Variants in AKIRIN2 observed in about 807,000 individuals in gnomAD.
AKIRIN2 encodes the protein akirin 2.
Under a neutral mutation model 29.3 loss-of-function variants are expected in AKIRIN2, and 6 were observed. The ratio of observed to expected loss-of-function variants is 0.20; its 90% confidence interval spans 0.11 to 0.40. The LOEUF (loss-of-function observed/expected upper bound fraction) is 0.40. Ranked by LOEUF, AKIRIN2 falls within the 10% of genes least tolerant of loss-of-function variation. The pLI is 1.00. For missense variants in AKIRIN2, 210 were observed against 276.1 expected, an observed-to-expected ratio of 0.76 and a Z score of 1.70; for synonymous variants, 128 against 117.5, an observed-to-expected ratio of 1.09 and a Z score of -0.58.
chr6:87,675,542 C>T lies in AKIRIN2; in HGVS notation c.*55G>A. On this transcript the variant is annotated 3_prime_UTR_variant, in exon 5 of 5. Transcript: ENST00000257787. The stretch of plus-strand genomic sequence containing the variant: ...CATTGCTGCATGTCATAATTGGGAC[C>T]TCTTGCAACAACTCAACAAGGAACA... The T allele has an allele frequency of 1.2e-6, 2 of 1,605,808 alleles. No individual in the cohort carries two copies. Among genetic ancestry groups the T allele is most frequent in the Admixed American group, 1.7e-5 (1 of 59,984 alleles).
intron 1 of AKIRIN2, among the ~76,000 whole-genome samples, chr6:87,698,730 C>A (rs1771410432): frequency 6.6e-6 from 1 of 152,192 alleles, no homozygotes; most frequent in Non-Finnish European, 1.5e-5. Context: ...TAACTTCCGT[C>A]AGCTCAGCTA....
chr6:87,701,067 T>G (rs922413459), intron 1 of AKIRIN2, among the ~76,000 whole-genome samples: 1 of 151,672 alleles, frequency 6.6e-6, no homozygotes, highest in Non-Finnish European at 1.5e-5. Flanking sequence ...CACATCCAGA[T>G]TGGGGTGAAA....
rs776169561 is a variant in AKIRIN2 at position 87,701,620 on chromosome 6, G to A, written c.65C>T (p.Pro22Leu). ...CAATGGCGCACATCGCCTGCGCTTC[G>A]GGGACGCCGGGCTCAACAGCGGGTC... ...DFDPLLSPAS[P>L]KRRRCAPLSA... Residue 22 changes from proline to leucine, a missense_variant, in exon 1 of 5, where the codon CCG becomes CTG. This residue lies in a region of AKIRIN2 where 199 missense variants were observed against 236.5 expected (regional missense o/e 0.84). Coordinates refer to ENST00000257787, the MANE Select transcript of AKIRIN2 (RefSeq NM_018064.4). 4.8e-6 allele frequency: 7 copies of A among 1,457,486 alleles called. No homozygotes were observed. Among genetic ancestry groups the A allele is most frequent in the Non-Finnish European group, 5.4e-6 (6 of 1,108,108 alleles). The allele number at this position is 1,457,486 out of a possible 1,614,324, so 90.3% of individuals were successfully genotyped here.
At chr6:87,688,675 G>A (rs764575814) in intron 1 of AKIRIN2, among the ~76,000 whole-genome samples, 5 of 152,020 alleles carry the variant, frequency 3.3e-5, no homozygotes, top group Admixed American at 6.6e-5. Flanking sequence ...ACTTGAACCC[G>A]GGGGGAGGTG....
intron 1 of AKIRIN2, among the ~76,000 whole-genome samples, chr6:87,683,929 A>C (rs1339769846): frequency 1.3e-5 from 2 of 152,138 alleles, no homozygotes; most frequent in Non-Finnish European, 2.9e-5. Context: ...TAGGATTATA[A>C]GTGTGAGCCA....
intron 3 of AKIRIN2, among the ~76,000 whole-genome samples, chr6:87,676,594 AAAACACAC>A (rs1260024663): frequency 1.5e-5 from 1 of 66,004 alleles, no homozygotes; most frequent in Non-Finnish European, 2.7e-5. Flanking sequence ...GTCTCTACTA[AAAACACAC>A]ACACACACAC....
chr6:87,689,239 T>C (rs540549458), intron 1 of AKIRIN2, among the ~76,000 whole-genome samples: 4 of 152,188 alleles, frequency 2.6e-5, no homozygotes, highest in South Asian at 2.1e-4. Context: ...CGGTGGCTCA[T>C]GTCTATGATC....
chr6:87,688,150 G>A (rs1032105666), intron 1 of AKIRIN2, among the ~76,000 whole-genome samples: 1 of 151,966 alleles, frequency 6.6e-6, no homozygotes, highest in African/African-American at 2.4e-5. Flanking sequence ...TTTTTGTGGG[G>A]GGACAGAGTC....
chr6:87,682,603 C>G (rs1209113287), intron 1 of AKIRIN2, among the ~76,000 whole-genome samples: 1 of 152,172 alleles, frequency 6.6e-6, no homozygotes, highest in Non-Finnish European at 1.5e-5. Flanking sequence ...TCCAGACTTC[C>G]TCACTACACC....
At chr6:87,689,329 C>T (rs6912957) in intron 1 of AKIRIN2, among the ~76,000 whole-genome samples, 5,186 of 152,240 alleles carry the variant, frequency 0.034, 294 homozygotes, top group African/African-American at 0.12. Context: ...TGGCAAAACC[C>T]CATCTCTACT....
At chr6:87,696,077 G>T (rs924811605) in intron 1 of AKIRIN2, among the ~76,000 whole-genome samples, 2 of 152,156 alleles carry the variant, frequency 1.3e-5, no homozygotes, top group Non-Finnish European at 2.9e-5. Context: ...GTACTTGAGA[G>T]GCTGAGGCAG....
In AKIRIN2 at chr6:87,702,170, G is replaced by A. The variant is rs1253722857; in HGVS notation, c.-486C>T. The A allele has an allele frequency of 1.3e-5, 5 of 398,520 alleles. No homozygotes were observed. Among genetic ancestry groups the A allele is most frequent in the African/African-American group, 2.1e-5 (1 of 48,766 alleles). 24.7% of individuals were successfully genotyped at this position (398,520 alleles called of 1,614,324 possible). Reference sequence around the variant, plus strand: ...GCGATCGATGCAGAGAGATTGCGAGGTAGCTGCCGCAGCAGGAACCCAAGC... The same window carrying A: ...GCGATCGATGCAGAGAGATTGCGAGATAGCTGCCGCAGCAGGAACCCAAGC... On this transcript the variant is annotated 5_prime_UTR_variant, in exon 1 of 5. Coordinates refer to ENST00000257787, the MANE Select transcript of AKIRIN2 (RefSeq NM_018064.4).
intron 1 of AKIRIN2, among the ~76,000 whole-genome samples, chr6:87,692,972 T>C (rs1282381394): frequency 6.6e-6 from 1 of 152,198 alleles, no homozygotes; most frequent in African/African-American, 2.4e-5. Flanking sequence ...CTCACGCCTG[T>C]AATCCCAGCA....
intron 1 of AKIRIN2, among the ~76,000 whole-genome samples, chr6:87,684,951 C>T (rs1771166129): frequency 6.6e-6 from 1 of 152,086 alleles, no homozygotes; most frequent in African/African-American, 2.4e-5. Flanking sequence ...ATTGCTAAAC[C>T]ATTTTCCAGA....
At position 87,702,233 on chromosome 6, in the gene AKIRIN2, T is replaced by C. The variant is rs1022463659; in HGVS notation, c.-549A>G. 5 of 396,720 alleles carry C rather than the reference T, an allele frequency of 1.3e-5. No individual in the cohort carries two copies. The Admixed American group carries it at 1.3e-4, about 10-fold the overall frequency. The allele number at this position is 396,720 out of a possible 1,614,324, so 24.6% of individuals were successfully genotyped here. On this transcript the variant is annotated 5_prime_UTR_variant, in exon 1 of 5. Coordinates refer to ENST00000257787, the MANE Select transcript of AKIRIN2 (RefSeq NM_018064.4). ...CCGCTTCCCCTCCCTCGTAGAACTC[T>C]CCCACCCGCCGCCGGCCCCAATATG...
intron 1 of AKIRIN2, among the ~76,000 whole-genome samples, chr6:87,683,372 T>C (rs1009456880): frequency 2.0e-5 from 3 of 152,256 alleles, no homozygotes; most frequent in South Asian, 4.1e-4. Flanking sequence ...ATACGGGTTA[T>C]GCTCATTTTC....
intron 1 of AKIRIN2, among the ~76,000 whole-genome samples, chr6:87,694,058 CTCT>C (rs1386846866): frequency 1.3e-5 from 2 of 152,162 alleles, no homozygotes; most frequent in African/African-American, 2.4e-5. Context: ...GTACATTCTA[CTCT>C]TCATTTACTC....
chr6:87,693,177 G>A (rs920727145), intron 1 of AKIRIN2, among the ~76,000 whole-genome samples: 5 of 151,064 alleles, frequency 3.3e-5, no homozygotes, highest in South Asian at 2.1e-4. Flanking sequence ...TGCAGTGAGC[G>A]GAGACTGCGC....
In AKIRIN2 at chr6:87,701,515, G is replaced by T; in HGVS notation, c.170C>A (p.Ser57Ter). 6.9e-7 allele frequency: 1 copy of T among 1,453,040 alleles called. No homozygotes were observed. Among genetic ancestry groups the T allele is most frequent in the Non-Finnish European group, 9.1e-7 (1 of 1,104,462 alleles). The allele number at this position is 1,453,040 out of a possible 1,614,324, so 90.0% of individuals were successfully genotyped here. Residue 57 changes from serine to a stop codon, truncating the protein, a stop_gained, in exon 1 of 5, where the codon TCG (serine) becomes TAG (stop). Transcript: ENST00000257787. LOFTEE classifies it high-confidence loss of function. ...TAASFSAAAA[S>*]PQKYLRMEPS... ...CTCCATTCGGAGATACTTCTGCGGC[G>T]AGGCGGCCGCAGCGGAGAAGGAGGC...
Sources: allele counts gnomAD v4.1 joint callset (sites outside exome capture counted in the v4.1 genomes callset), GRCh38; gene constraint gnomAD v4.1.1; regional missense constraint gnomAD v4.1.1; transcripts MANE v1.5; gene names NCBI Gene and HGNC (gene_info 2026-07-23, HGNC 2026-07-21).